The following TSPAN5 variants were observed in gnomAD, a reference collection of about 807,000 sequenced individuals.
TSPAN5 encodes the protein tetraspanin-5.
A neutral mutation model predicts 37.1 loss-of-function variants in TSPAN5; 10 were observed. The ratio of observed to expected loss-of-function variants is 0.27; its 90% confidence interval spans 0.17 to 0.46. TSPAN5 has a LOEUF of 0.46. Among genes scored for constraint, TSPAN5 ranks in the 20% least tolerant of loss-of-function variants. TSPAN5 has a pLI of 1.00. For synonymous variants in TSPAN5, 110 were observed against 118.9 expected (o/e 0.93, Z 0.48); for missense variants, 195 against 326.6 (o/e 0.60, Z 3.11).
At chr4:98,559,460 G>T (rs2110166660) in intron 1 of TSPAN5, among the ~76,000 whole-genome samples, 1 of 152,210 alleles carries the variant, frequency 6.6e-6, no homozygotes, top group African/African-American at 2.4e-5. Flanking sequence ...ATAAAGAAAT[G>T]GTTAAGTAGG....
At chr4:98,627,873 CAA>C (rs1756644689) in intron 1 of TSPAN5, among the ~76,000 whole-genome samples, 1 of 151,914 alleles carries the variant, frequency 6.6e-6, no homozygotes, top group Non-Finnish European at 1.5e-5. Context: ...AAATATAAAA[CAA>C]GAGGGAAAAA....
At chr4:98,639,949 C>G (rs1756928835) in intron 1 of TSPAN5, among the ~76,000 whole-genome samples, 1 of 152,124 alleles carries the variant, frequency 6.6e-6, no homozygotes, top group South Asian at 2.1e-4. Flanking sequence ...AAGGATCAGA[C>G]AGAATTCCAC....
In TSPAN5 at chr4:98,577,811, C is replaced by T. The variant is rs373474181; in HGVS notation, c.82-70083G>A. Among the ~76,000 whole-genome samples, 43 of 152,224 alleles carry T rather than the reference C, an allele frequency of 2.8e-4. No individual in the cohort carries two copies. The East Asian group carries it at 7.1e-3, about 25-fold the overall frequency. On this transcript the variant is annotated intron_variant, in intron 1 of 7. Transcript: ENST00000305798. ...TTTACCTCTCTAGAAATGGAGATACCCATAATACTAATCCTTAGGGTGTTT... is the reference window on the plus strand; with the variant it reads ...TTTACCTCTCTAGAAATGGAGATACTCATAATACTAATCCTTAGGGTGTTT...
intron 1 of TSPAN5, among the ~76,000 whole-genome samples, chr4:98,545,138 G>A (rs1312416233): frequency 2.0e-5 from 3 of 152,344 alleles, no homozygotes; most frequent in Non-Finnish European, 2.9e-5. Flanking sequence ...GCAAGACTAA[G>A]CTGAAATTAC....
intron 1 of TSPAN5, among the ~76,000 whole-genome samples, chr4:98,555,510 G>T (rs1055215140): frequency 1.3e-5 from 2 of 151,926 alleles, no homozygotes; most frequent in Non-Finnish European, 2.9e-5. Flanking sequence ...AATTATATCT[G>T]TAGTTGTTTT....
chr4:98,485,866 T>C (rs1251345893), intron 3 of TSPAN5, among the ~76,000 whole-genome samples: 1 of 151,626 alleles, frequency 6.6e-6, no homozygotes, highest in Non-Finnish European at 1.5e-5. Context: ...ACTACAACTG[T>C]TCTCTAGAAA....
Position 98,472,520 on chromosome 4 carries a change from G to T in TSPAN5, c.*2C>A. ...TGTCTTGCAGCAGCGGTTGCAGGGGGTCTACCAGCTCGCCCTGACAGCTTC... is the reference window on the plus strand; with the variant it reads ...TGTCTTGCAGCAGCGGTTGCAGGGGTTCTACCAGCTCGCCCTGACAGCTTC... On this transcript the variant is annotated 3_prime_UTR_variant, in exon 8 of 8. Transcript: ENST00000305798. 4 of 1,613,732 alleles carry T rather than the reference G, an allele frequency of 2.5e-6. No individual in the cohort carries two copies. The highest frequency in any genetic ancestry group is 2.5e-6 in the Non-Finnish European group (3 of 1,179,884).
At chr4:98,572,288 G>A (rs369407175) in intron 1 of TSPAN5, among the ~76,000 whole-genome samples, 12 of 152,166 alleles carry the variant, frequency 7.9e-5, no homozygotes, top group Admixed American at 1.3e-4. Flanking sequence ...CATTAAGACC[G>A]TAAGCATAGG....
intron 1 of TSPAN5, among the ~76,000 whole-genome samples, chr4:98,575,964 G>A (rs187111543): frequency 1.9e-3 from 289 of 152,136 alleles, no homozygotes; most frequent in African/African-American, 6.8e-3. Flanking sequence ...AGCTACTTGG[G>A]AGGCTGAGGC....
chr4:98,548,869 G>A (rs188770174), intron 1 of TSPAN5, among the ~76,000 whole-genome samples: 4 of 147,668 alleles, frequency 2.7e-5, no homozygotes, highest in Admixed American at 6.8e-5. Context: ...CCTTTTTATC[G>A]CTGCATAGTA....
At chr4:98,495,652 A>G (rs1753191108) in intron 2 of TSPAN5, among the ~76,000 whole-genome samples, 1 of 152,140 alleles carries the variant, frequency 6.6e-6, no homozygotes, top group Non-Finnish European at 1.5e-5. Flanking sequence ...CAATAAAGGA[A>G]TATGTTCTGA....
chr4:98,607,083 C>A (rs1756055748), intron 1 of TSPAN5, among the ~76,000 whole-genome samples: 1 of 152,144 alleles, frequency 6.6e-6, no homozygotes, highest in South Asian at 2.1e-4. Flanking sequence ...CAGCATCCTC[C>A]ATTTCCATAG....
At chr4:98,592,728 G>A (rs1229183122) in intron 1 of TSPAN5, among the ~76,000 whole-genome samples, 3 of 150,336 alleles carry the variant, frequency 2.0e-5, no homozygotes, top group African/African-American at 2.4e-5. Context: ...GAGAATGATG[G>A]TTTCCAATTT....
intron 1 of TSPAN5, among the ~76,000 whole-genome samples, chr4:98,543,348 C>T (rs1754401286): frequency 6.6e-6 from 1 of 151,912 alleles, no homozygotes; most frequent in African/African-American, 2.4e-5. Flanking sequence ...TGCACTTTGA[C>T]TAGCATTTCT....
chr4:98,652,165 G>A (rs1008271726), intron 1 of TSPAN5, among the ~76,000 whole-genome samples: 1 of 152,024 alleles, frequency 6.6e-6, no homozygotes, highest in Non-Finnish European at 1.5e-5. Context: ...TGGCCCAAAC[G>A]TTTATCAAAA....
At chr4:98,551,024 T>C (rs1476233494) in intron 1 of TSPAN5, among the ~76,000 whole-genome samples, 2 of 152,212 alleles carry the variant, frequency 1.3e-5, no homozygotes, top group Admixed American at 6.5e-5. Context: ...TTGTCATATA[T>C]GGCCTTTATT....
intron 1 of TSPAN5, among the ~76,000 whole-genome samples, chr4:98,615,931 C>T (rs1367856859): frequency 6.6e-6 from 1 of 152,110 alleles, no homozygotes; most frequent in Non-Finnish European, 1.5e-5. Context: ...CACGTGGCAA[C>T]TACAGCAAGA....
intron 1 of TSPAN5, among the ~76,000 whole-genome samples, chr4:98,573,769 A>T (rs1030373511): frequency 3.8e-5 from 4 of 105,768 alleles, no homozygotes; most frequent in Admixed American, 1.0e-4. Context: ...AGTTTGGTTT[A>T]GTTCATTTTT....
At chr4:98,642,791 A>C (rs1756985810) in intron 1 of TSPAN5, among the ~76,000 whole-genome samples, 1 of 152,178 alleles carries the variant, frequency 6.6e-6, no homozygotes, top group Admixed American at 6.5e-5. Context: ...TTTAACAAAA[A>C]AGTTTTAAAG....
Sources: gnomAD v4.1 joint callset for allele counts (sites outside exome capture counted in the v4.1 genomes callset) on GRCh38, gnomAD v4.1.1 for gene constraint, MANE v1.5 for transcripts, NCBI Gene and HGNC (gene_info 2026-07-23, HGNC 2026-07-21) for gene names.